The following ANKRD31 variants were observed in gnomAD, a reference collection of about 807,000 sequenced individuals.
ANKRD31 encodes ankyrin repeat domain 31.
A neutral mutation model predicts 186.0 loss-of-function variants in ANKRD31; 147 were observed. The ratio of observed to expected loss-of-function variants is 0.79; its 90% confidence interval spans 0.69 to 0.91. The LOEUF is 0.91. Among genes scored for constraint, ANKRD31 ranks in the 40% least tolerant of loss-of-function variants. ANKRD31 has a pLI of 0.00. For missense variants in ANKRD31, 1,986 were observed against 2,148.8 expected, an observed-to-expected ratio of 0.92 and a Z score of 1.50; for synonymous variants, 673 against 736.4, an observed-to-expected ratio of 0.91 and a Z score of 1.39.
At chr5:75,101,850 G>C (rs1746915457) in intron 22 of ANKRD31, among the ~76,000 whole-genome samples, 1 of 152,136 alleles carries the variant, frequency 6.6e-6, no homozygotes, top group African/African-American at 2.4e-5. Context: ...AAGGTTTATA[G>C]CTTCTTTGCG....
intron 2 of ANKRD31, among the ~76,000 whole-genome samples, 188 bp from the exon 3 acceptor site, chr5:75,222,546 G>A (rs750754281): frequency 6.6e-5 from 10 of 151,448 alleles, no homozygotes; most frequent in East Asian, 1.9e-4. Context: ...ATAGGTATAC[G>A]TGTGCCATGG....
chr5:75,188,523 C>CT lies in ANKRD31; in HGVS notation c.1533dup (p.Gly512ArgfsTer5). 6.5e-7 allele frequency: 1 copy of CT among 1,535,592 alleles called. No homozygotes were observed. The highest frequency in any genetic ancestry group is 1.4e-5 in the African/African-American group (1 of 73,040). On this transcript the variant is annotated frameshift_variant, in exon 10 of 26. Transcript: ENST00000506364. LOFTEE classifies it high-confidence loss of function. ...TAACTTGGCTGATTAACATTTCCAC[C>CT]TTTTTTTATACAATGATGAACAAGA...
intron 12 of ANKRD31, among the ~76,000 whole-genome samples, chr5:75,153,968 T>A (rs1752000901): frequency 6.6e-6 from 1 of 152,174 alleles, no homozygotes; most frequent in African/African-American, 2.4e-5. Flanking sequence ...GTTTCTTAAC[T>A]CTTTGCAATG....
intron 10 of ANKRD31, 105 bp downstream of exon 10, chr5:75,188,388 G>T: frequency 8.8e-7 from 1 of 1,131,338 alleles, no homozygotes; most frequent in Non-Finnish European, 1.2e-6. Context: ...AAAGCCTTCT[G>T]TTTGGAACTT....
chr5:75,148,666 T>C (rs1208603907), intron 12 of ANKRD31, 38 bp from the exon 13 acceptor site: 2 of 1,479,286 alleles, frequency 1.4e-6, no homozygotes, highest in South Asian at 1.3e-5. Context: ...AAACAGCTTC[T>C]AGTGTTTAGA....
chr5:75,113,138 T>C (rs961028673), intron 19 of ANKRD31, among the ~76,000 whole-genome samples: 2 of 152,140 alleles, frequency 1.3e-5, no homozygotes, highest in African/African-American at 4.8e-5. Context: ...TCTCTTTCCC[T>C]ATGAGAGAGA....
chr5:75,212,346 G>T (rs866350023), intron 3 of ANKRD31, among the ~76,000 whole-genome samples: 5 of 152,044 alleles, frequency 3.3e-5, no homozygotes, highest in African/African-American at 1.2e-4. Flanking sequence ...GGCACAGTGG[G>T]TCACACCTGT....
At chr5:75,174,703 T>TG (rs1311972064) in intron 10 of ANKRD31, among the ~76,000 whole-genome samples, 2 of 152,140 alleles carry the variant, frequency 1.3e-5, no homozygotes, top group Admixed American at 6.6e-5. Flanking sequence ...CCAGTTAGAA[T>TG]GCGATCATTA....
intron 11 of ANKRD31, among the ~76,000 whole-genome samples, chr5:75,156,521 T>C (rs1752188320): frequency 6.6e-6 from 1 of 152,240 alleles, no homozygotes; most frequent in Admixed American, 6.5e-5. Flanking sequence ...TATCCATGTC[T>C]TCATCTCTAG....
In ANKRD31 at chr5:75,188,564, A is replaced by G; in HGVS notation, c.1493T>C (p.Leu498Pro). Reference sequence around the variant, plus strand: ...ATGAACAAGATCAGCATCATCGTGTAGAGCAGCCTTATATACTAAGTTCTC... The same window carrying G: ...ATGAACAAGATCAGCATCATCGTGTGGAGCAGCCTTATATACTAAGTTCTC... ...FGENLVYKAA[L>P]HDDADLVHHC... The change falls in exon 10 of 26, where the codon CTA (leucine) becomes CCA (proline). Residue 498 changes from leucine to proline, a missense_variant. Transcript: ENST00000506364. 1 of 1,536,638 alleles carries G rather than the reference A, an allele frequency of 6.5e-7. No individual in the cohort carries two copies. Among genetic ancestry groups the G allele is most frequent in the Non-Finnish European group, 8.7e-7 (1 of 1,146,512 alleles).
At position 75,091,320 on chromosome 5, in the gene ANKRD31, A is replaced by G; in HGVS notation, c.5413T>C (p.Trp1805Arg). Residue 1805 changes from tryptophan (W) to arginine (R), a missense_variant, in exon 23 of 26, where the codon TGG (tryptophan) becomes CGG (arginine). By Grantham distance (101) the Trp-to-Arg change is moderately radical. Coordinates refer to ENST00000506364, the MANE Select transcript of ANKRD31 (RefSeq NM_001372053.1). ...TTGCCTCCCAGAAGATCCTTGAGCC[A>G]GGTGACTGGGTTTTTATAAATCTGA... The part of the protein sequence containing the change: ...SGQIYKNPVT[W>R]LKDLLGGNSY... 1.3e-6 allele frequency: 2 copies of G among 1,537,186 alleles called. No homozygotes were observed. Among genetic ancestry groups the G allele is most frequent in the Non-Finnish European group, 1.7e-6 (2 of 1,146,872 alleles).
At chr5:75,172,200 T>C (rs893658235) in intron 10 of ANKRD31, among the ~76,000 whole-genome samples, 2 of 151,906 alleles carry the variant, frequency 1.3e-5, no homozygotes, top group Admixed American at 6.6e-5. Flanking sequence ...AAAAGAATGA[T>C]ACATCATGAC....
rs527573855 is a variant in ANKRD31, at chr5:75,214,243, A to G, written c.289-3378T>C. Among the ~76,000 whole-genome samples the G allele has an allele frequency of 1.1e-4, 16 of 152,318 alleles. No homozygotes were observed. In the South Asian group the frequency reaches 3.3e-3, roughly 32 times the overall value. On this transcript the variant is annotated intron_variant, in intron 3 of 25. Coordinates refer to ENST00000506364, the MANE Select transcript of ANKRD31 (RefSeq NM_001372053.1). Reference sequence around the variant, plus strand: ...AAATACACAGTGATTTAACCACTGAATGAGAATTGTCTTTACTCTAGCTAA... The same window carrying G: ...AAATACACAGTGATTTAACCACTGAGTGAGAATTGTCTTTACTCTAGCTAA...
At chr5:75,184,048 T>C (rs1364027274) in intron 10 of ANKRD31, among the ~76,000 whole-genome samples, 3 of 151,978 alleles carry the variant, frequency 2.0e-5, no homozygotes, top group African/African-American at 7.2e-5. Context: ...GACATAAAAA[T>C]AGACACACAG....
Position 75,104,650 on chromosome 5 carries a change from G to T in ANKRD31, c.4909C>A (p.Pro1637Thr). 6.5e-7 allele frequency: 1 copy of T among 1,536,008 alleles called. No individual in the cohort carries two copies. Among genetic ancestry groups the T allele is most frequent in the Non-Finnish European group, 8.7e-7 (1 of 1,146,478 alleles). Residue 1637 changes from proline (P) to threonine (T), a missense_variant, in exon 22 of 26, where the codon CCA (proline) becomes ACA (threonine). By Grantham distance (38) the Pro-to-Thr change is conservative. Coordinates refer to ENST00000506364, the MANE Select transcript of ANKRD31 (RefSeq NM_001372053.1). ...GAAATATTTAATTTGCCGATTACTG[G>T]GGAAGAAACATAGAATTCATGGTCT... is the stretch of plus-strand genomic sequence containing the variant. ...DKDHEFYVSSPVIGKLNISET... is the reference protein window; with the variant it reads ...DKDHEFYVSSTVIGKLNISET...
chr5:75,131,929 C>A (rs1298755327), intron 17 of ANKRD31, among the ~76,000 whole-genome samples: 1 of 152,226 alleles, frequency 6.6e-6, no homozygotes, highest in Non-Finnish European at 1.5e-5. Flanking sequence ...CAACTCCCAA[C>A]AGGCCTGCAG....
intron 17 of ANKRD31, among the ~76,000 whole-genome samples, chr5:75,130,543 A>G (rs6893516): frequency 0.51 from 77,161 of 151,970 alleles, 22,645 homozygotes; most frequent in African/African-American, 0.82. Context: ...TGATTGGTGC[A>G]TTTACAAACC....
chr5:75,129,529 C>T (rs530495563), intron 17 of ANKRD31, among the ~76,000 whole-genome samples: 19 of 152,246 alleles, frequency 1.2e-4, no homozygotes, highest in South Asian at 4.1e-4. Flanking sequence ...CACAAAATTA[C>T]ATTAAAAAGT....
chr5:75,128,889 T>C (rs1325906580), intron 17 of ANKRD31, among the ~76,000 whole-genome samples: 1 of 152,192 alleles, frequency 6.6e-6, no homozygotes, highest in African/African-American at 2.4e-5. Flanking sequence ...TTCTGTTTCC[T>C]TTCTTCCATT....
Sources: gnomAD v4.1 joint callset for allele counts (sites outside exome capture counted in the v4.1 genomes callset) on GRCh38, gnomAD v4.1.1 for gene constraint, MANE v1.5 for transcripts, NCBI Gene and HGNC (gene_info 2026-07-23, HGNC 2026-07-21) for gene names.